The following TANC2 variants were observed in gnomAD, a reference collection of about 807,000 sequenced individuals.
The protein encoded by TANC2 is tetratricopeptide repeat, ankyrin repeat and coiled-coil containing 2, also known as protein TANC2.
Under a neutral mutation model 210.5 loss-of-function variants are expected in TANC2, and 26 were observed. The ratio of observed to expected loss-of-function variants is 0.12; its 90% CI spans 0.09 to 0.17. The LOEUF is 0.17. TANC2 is among the 10% of genes least tolerant of loss of function. The pLI is 1.00. For synonymous variants in TANC2, 931 were observed against 967.1 expected (o/e 0.96, Z 0.69); for missense variants, 2,129 against 2,608.9 (o/e 0.82, Z 4.01).
chr17:62,982,680 G>A (rs996703607), intron 1 of TANC2, among the ~76,000 whole-genome samples: 3 of 152,030 alleles, frequency 2.0e-5, no homozygotes, highest in African/African-American at 4.8e-5. Flanking sequence ...CCTCTAATGC[G>A]TTGTTGCTAC....
intron 6 of TANC2, chr17:63,197,494 A>C (rs893010933): frequency 6.6e-6 from 1 of 152,216 alleles, no homozygotes; most frequent in African/African-American, 2.4e-5. Context: ...GTATTAACAA[A>C]GATAAACTGC....
intron 5 of TANC2, among the ~76,000 whole-genome samples, chr17:63,179,364 T>C (rs1191989836): frequency 1.3e-5 from 2 of 152,220 alleles, no homozygotes; most frequent in East Asian, 3.8e-4. Context: ...TTGTCTCTGT[T>C]ACTTAACTAA....
At chr17:63,129,548 TCTCTACTAAAAATA>T (rs1192336567) in intron 4 of TANC2, among the ~76,000 whole-genome samples, 3 of 152,006 alleles carry the variant, frequency 2.0e-5, no homozygotes, top group Non-Finnish European at 4.4e-5. Context: ...TGAAACCCCA[TCTCTACTAAAAATA>T]CTAAAAATAC....
intron 12 of TANC2, among the ~76,000 whole-genome samples, chr17:63,341,867 C>T (rs1408034868): frequency 6.6e-6 from 1 of 152,212 alleles, no homozygotes; most frequent in Admixed American, 6.5e-5. Flanking sequence ...TGCTTGATGG[C>T]CAGTATCCAA....
intron 8 of TANC2, among the ~76,000 whole-genome samples, chr17:63,254,105 T>A (rs1435927440): frequency 6.6e-6 from 1 of 152,216 alleles, no homozygotes. Context: ...TAATATTGAT[T>A]GATTCCAGTC....
At chr17:63,030,061 CA>C (rs1043710257) in intron 2 of TANC2, among the ~76,000 whole-genome samples, 2 of 152,108 alleles carry the variant, frequency 1.3e-5, no homozygotes, top group African/African-American at 4.8e-5. Context: ...CTTAAAGCTG[CA>C]AGTGAGCCAC....
intron 3 of TANC2, among the ~76,000 whole-genome samples, chr17:63,084,284 T>C (rs566934393): frequency 6.6e-6 from 1 of 152,298 alleles, no homozygotes; most frequent in East Asian, 1.9e-4. Flanking sequence ...GCTTATAATA[T>C]TCCTGTATTA....
intron 9 of TANC2, among the ~76,000 whole-genome samples, chr17:63,292,689 T>C (rs907457970): frequency 1.4e-4 from 22 of 152,306 alleles, no homozygotes; most frequent in African/African-American, 5.3e-4. Context: ...TAAATAAGTG[T>C]GTGTGGGATG....
At chr17:63,409,545 C>T (rs2147320228) in intron 21 of TANC2, among the ~76,000 whole-genome samples, 1 of 152,236 alleles carries the variant, frequency 6.6e-6, no homozygotes, top group African/African-American at 2.4e-5. Flanking sequence ...TATCACTTAA[C>T]AAAGGGGAGA....
intron 4 of TANC2, among the ~76,000 whole-genome samples, chr17:63,107,954 C>G (rs368015197): frequency 1.3e-5 from 2 of 151,622 alleles, no homozygotes; most frequent in African/African-American, 4.9e-5. Context: ...GTACTTATAT[C>G]TCAATAAGGA....
At chr17:63,365,912 T>C (rs1368873373) in intron 14 of TANC2, among the ~76,000 whole-genome samples, 1 of 152,042 alleles carries the variant, frequency 6.6e-6, no homozygotes, top group Non-Finnish European at 1.5e-5. Context: ...TTATCACAAT[T>C]TATTATTAAT....
chr17:63,235,747 T>C (rs966027888), intron 7 of TANC2, among the ~76,000 whole-genome samples: 6 of 150,560 alleles, frequency 4.0e-5, no homozygotes, highest in Non-Finnish European at 8.8e-5. Context: ...CTTTTGGCAA[T>C]AGGTACATTC....
intron 3 of TANC2, among the ~76,000 whole-genome samples, chr17:63,097,745 G>T (rs2037442906): frequency 6.6e-6 from 1 of 152,096 alleles, no homozygotes; most frequent in Non-Finnish European, 1.5e-5. Flanking sequence ...TATGAGCATT[G>T]TCTTTTCACT....
At chr17:63,188,351 T>C (rs1372780688) in intron 5 of TANC2, among the ~76,000 whole-genome samples, 1 of 151,634 alleles carries the variant, frequency 6.6e-6, no homozygotes, top group East Asian at 1.9e-4. Context: ...CCCAGCACTT[T>C]GAGAGGCCTA....
intron 7 of TANC2, among the ~76,000 whole-genome samples, chr17:63,224,393 AG>A (rs1205776760): frequency 6.6e-6 from 1 of 151,932 alleles, no homozygotes; most frequent in African/African-American, 2.4e-5. Context: ...CTGGAATTAC[AG>A]GGGCGCACCA....
intron 9 of TANC2, among the ~76,000 whole-genome samples, chr17:63,307,161 T>G (rs1433035009): frequency 1.3e-5 from 2 of 152,122 alleles, no homozygotes; most frequent in African/African-American, 4.8e-5. Context: ...GGAGTTTTGA[T>G]TTTATTCTAA....
chr17:62,999,777 G>A lies in TANC2; in HGVS notation c.-23-9760G>A, dbSNP rs192332842. On this transcript the variant is annotated intron_variant, in intron 1 of 27. Coordinates refer to ENST00000689528, the Ensembl canonical transcript of TANC2. ...CAATGTAAATTGTTCTACCAAAAACGCATGTGCTTGGATGTTCATCATAGC... is the reference window on the plus strand; with the variant it reads ...CAATGTAAATTGTTCTACCAAAAACACATGTGCTTGGATGTTCATCATAGC... 2.0e-3 allele frequency among the ~76,000 whole-genome samples: 300 copies of A among 152,246 alleles called. 2 individuals carry two copies. Among genetic ancestry groups the A allele is most frequent in the African/African-American group, 7.0e-3 (289 of 41,534 alleles).
chr17:63,068,232 T>C (rs1297868658), intron 2 of TANC2, among the ~76,000 whole-genome samples: 1 of 152,116 alleles, frequency 6.6e-6, no homozygotes, highest in African/African-American at 2.4e-5. Context: ...GCTTCATTAT[T>C]AATGAGGGAA....
At chr17:63,085,086 A>C (rs140620866) in intron 3 of TANC2, among the ~76,000 whole-genome samples, 170 of 152,254 alleles carry the variant, frequency 1.1e-3, no homozygotes, top group African/African-American at 4.1e-3. Flanking sequence ...CAAAGTCTCA[A>C]GTGTAATAGT....
Sources: allele counts gnomAD v4.1 joint callset (sites outside exome capture counted in the v4.1 genomes callset), GRCh38; gene constraint gnomAD v4.1.1; transcripts MANE v1.5; gene names NCBI Gene and HGNC (gene_info 2026-07-23, HGNC 2026-07-21).